The following CCDC186 variants were observed in gnomAD, a reference collection of about 807,000 sequenced individuals.
The protein encoded by CCDC186 is coiled-coil domain-containing protein 186.
CCDC186 carries 49 observed loss-of-function variants against 113.7 expected under a neutral mutation model. That is an observed-to-expected ratio of 0.43 (90% CI 0.34 to 0.55). The LOEUF (loss-of-function observed/expected upper bound fraction) is 0.55, where lower values mean the gene tolerates loss of function less well. Among genes scored for constraint, CCDC186 ranks in the 20% least tolerant of loss-of-function variants. CCDC186 has a pLI of 0.02. For missense variants in CCDC186, 890 were observed against 1,011.1 expected, an observed-to-expected ratio of 0.88 and a Z score of 1.62; for synonymous variants, 355 against 345.8, an observed-to-expected ratio of 1.03 and a Z score of -0.30.
intron 4 of CCDC186, among the ~76,000 whole-genome samples, chr10:114,147,495 C>T (rs1049048422): frequency 1.3e-5 from 2 of 152,008 alleles, no homozygotes; most frequent in African/African-American, 4.8e-5. Flanking sequence ...GTGCAAACAC[C>T]TAAAAGTATA....
Position 114,145,739 on chromosome 10 carries a change from G to T in CCDC186, c.911C>A (p.Ala304Glu). ...MEQANKKCEE[A>E]RQEKEAMVMK... Reference sequence around the variant, plus strand: ...TACCATTGCTTCTTTTTCTTGGCGTGCCTCTTCACATTTCTTGTTGGCCTT... The same window carrying T: ...TACCATTGCTTCTTTTTCTTGGCGTTCCTCTTCACATTTCTTGTTGGCCTT... The change falls in exon 5 of 16, where the codon GCA (alanine) becomes GAA (glutamate). Residue 304 changes from alanine to glutamate, a missense_variant. By Grantham distance (107) the Ala-to-Glu change is moderately radical. Coordinates refer to ENST00000369287, the MANE Select transcript of CCDC186 (RefSeq NM_018017.4). The T allele has an allele frequency of 6.3e-7, 1 of 1,588,974 alleles. No homozygotes were observed. Among genetic ancestry groups the T allele is most frequent in the Non-Finnish European group, 8.5e-7 (1 of 1,173,654 alleles).
intron 1 of CCDC186, chr10:114,173,126 A>G: frequency 2.3e-6 from 1 of 427,096 alleles, no homozygotes; most frequent in Non-Finnish European, 4.7e-6. Context: ...ACATGCAGAG[A>G]AAACGGCCAA....
In CCDC186 at chr10:114,155,169, G is replaced by T. The variant is rs183982468; in HGVS notation, c.759+2385C>A. 3.9e-3 allele frequency among the ~76,000 whole-genome samples: 599 copies of T among 152,284 alleles called. 3 individuals carry two copies. Among genetic ancestry groups the T allele is most frequent in the African/African-American group, 0.013 (557 of 41,564 alleles). On this transcript the variant is annotated intron_variant, in intron 3 of 15. Coordinates refer to ENST00000369287, the MANE Select transcript of CCDC186 (RefSeq NM_018017.4). ...TGACATGTTCTAAAATTGTGGTAAA[G>T]GTTGCACAGGTAAAAGTCACTGAAT...
chr10:114,126,817 G>A (rs2030918446), intron 14 of CCDC186, among the ~76,000 whole-genome samples: 1 of 152,090 alleles, frequency 6.6e-6, no homozygotes, highest in South Asian at 2.1e-4. Flanking sequence ...CATTGGAAAA[G>A]GCCCACAATA....
At chr10:114,166,351 G>A (rs2032336303) in intron 1 of CCDC186, among the ~76,000 whole-genome samples, 1 of 152,100 alleles carries the variant, frequency 6.6e-6, no homozygotes, top group African/African-American at 2.4e-5. Flanking sequence ...TCTTCCCTTA[G>A]GTCTATCTGA....
intron 1 of CCDC186, chr10:114,165,835 G>A (rs1466204923): frequency 4.4e-5 from 21 of 473,338 alleles, no homozygotes; most frequent in Middle Eastern, 2.0e-3. Flanking sequence ...GCAACAGAGC[G>A]AGACACTTTG....
Position 114,125,889 on chromosome 10 carries a change from C to A in CCDC186, c.2610G>T (p.Leu870Phe). The A allele has an allele frequency of 6.2e-7, 1 of 1,613,166 alleles. No individual in the cohort carries two copies. Among genetic ancestry groups the A allele is most frequent in the Non-Finnish European group, 8.5e-7 (1 of 1,179,282 alleles). ...LEDTLLKNIT[L>F]KENLQTLGTE... ...TGTGAATGAGAAACACAAATACCTT[C>A]AAAGTAATATTTTTTAGTAACGTAT... The change falls in exon 15 of 16, where the codon TTG becomes TTT. Residue 870 changes from leucine to phenylalanine, a missense_variant. Coordinates refer to ENST00000369287, the MANE Select transcript of CCDC186 (RefSeq NM_018017.4).
At chr10:114,153,957 C>T (rs574118261) in intron 3 of CCDC186, among the ~76,000 whole-genome samples, 74 of 151,814 alleles carry the variant, frequency 4.9e-4, no homozygotes, top group African/African-American at 1.8e-3. Flanking sequence ...TGCCTGTAAT[C>T]TCAGCACTTT....
chr10:114,162,875 T>C lies in CCDC186; in HGVS notation c.394A>G (p.Asn132Asp), dbSNP rs777709243. Residue 132 changes from asparagine to aspartate, a missense_variant, in exon 2 of 16, where the codon AAT becomes GAT. By Grantham distance (23) the Asn-to-Asp change is conservative. Coordinates refer to ENST00000369287, the MANE Select transcript of CCDC186 (RefSeq NM_018017.4). ...LRSSTFPESA[N>D]EKTYSESPYD... ...GGGCTTTCTGAATAAGTCTTTTCAT[T>C]AGCTGATTCTGGAAATGTAGATGAC... The C allele has an allele frequency of 6.2e-7, 1 of 1,613,950 alleles. No individual in the cohort carries two copies. Among genetic ancestry groups the C allele is most frequent in the East Asian group, 2.2e-5 (1 of 44,860 alleles).
At chr10:114,143,554 C>T (rs1042530004) in intron 6 of CCDC186, among the ~76,000 whole-genome samples, 2 of 152,212 alleles carry the variant, frequency 1.3e-5, no homozygotes, top group Admixed American at 1.3e-4. Context: ...TTCCCTCACA[C>T]ATGTGCTGAT....
At chr10:114,157,945 C>T (rs1292679354) in intron 2 of CCDC186, among the ~76,000 whole-genome samples, 1 of 152,204 alleles carries the variant, frequency 6.6e-6, no homozygotes, top group Admixed American at 6.5e-5. Flanking sequence ...GCACACCCTT[C>T]CAGATTTATA....
chr10:114,130,849 C>T (rs1245871421), intron 12 of CCDC186, among the ~76,000 whole-genome samples: 2 of 151,808 alleles, frequency 1.3e-5, no homozygotes, highest in African/African-American at 4.8e-5. Context: ...ATAACAAATG[C>T]CTAAGCACTT....
intron 1 of CCDC186, among the ~76,000 whole-genome samples, chr10:114,164,954 T>C (rs769760887): frequency 6.6e-6 from 1 of 152,184 alleles, no homozygotes. Flanking sequence ...TTCTAGCACA[T>C]AGTGGGTTCT....
intron 13 of CCDC186, 21 bp downstream of exon 13, chr10:114,129,870 C>T: frequency 6.2e-7 from 1 of 1,608,114 alleles, no homozygotes; most frequent in East Asian, 2.2e-5. Context: ...GAAATAACAA[C>T]TAGAGCCACT....
intron 1 of CCDC186, among the ~76,000 whole-genome samples, chr10:114,164,092 GTGTGTGTGTGTA>G (rs1328034568): frequency 7.9e-6 from 1 of 126,326 alleles, no homozygotes; most frequent in African/African-American, 3.1e-5. Context: ...GTGTGTGTGT[GTGTGTGTGTGTA>G]TATATATATA....
At chr10:114,133,344 G>A (rs1047648663) in intron 10 of CCDC186, among the ~76,000 whole-genome samples, 2 of 152,172 alleles carry the variant, frequency 1.3e-5, no homozygotes, top group East Asian at 1.9e-4. Context: ...CATGGATGCT[G>A]CACTCATCAT....
At position 114,135,011 on chromosome 10, in the gene CCDC186, T is replaced by C. The variant is rs1291261615; in HGVS notation, c.1557A>G (p.Leu519=). ...GATTAATAATTTCCTTATATTTTGA[T>C]AATTCATCTTCTGTTCTTAATCGTT... is the stretch of plus-strand genomic sequence containing the variant. ...EDERLRTEDE[L]SKYKEIINRQ... The change falls in exon 10 of 16, where the codon TTA becomes TTG. Residue 519 remains leucine, a synonymous_variant. Transcript: ENST00000369287. 8 of 1,611,554 alleles carry C rather than the reference T, an allele frequency of 5.0e-6. No homozygotes were observed. The Admixed American group carries it at 1.0e-4, about 20-fold the overall frequency.
At position 114,157,658 on chromosome 10, in the gene CCDC186, GCTT is replaced by G. The variant is rs765573298; in HGVS notation, c.652_654del (p.Lys218del). On this transcript the variant is annotated inframe_deletion, in exon 3 of 16. Transcript: ENST00000369287. ...CAAATGTCTACGAAGAGCTCCTGAT[GCTT>G]CTTATTTTCTTTAATTAACCTAAAT... is the stretch of plus-strand genomic sequence containing the variant. The G allele has an allele frequency of 5.6e-5, 90 of 1,593,442 alleles. No individual in the cohort carries two copies. Among genetic ancestry groups the G allele is most frequent in the African/African-American group, 1.2e-4 (9 of 73,554 alleles).
intron 11 of CCDC186, 21 bp downstream of exon 11, chr10:114,131,908 A>G (rs1283576287): frequency 6.4e-7 from 1 of 1,572,210 alleles, no homozygotes; most frequent in Non-Finnish European, 8.6e-7. Context: ...TGTTTTAAAA[A>G]AAATGTAAAT....
Sources: gnomAD v4.1 joint callset for allele counts (sites outside exome capture counted in the v4.1 genomes callset) on GRCh38, gnomAD v4.1.1 for gene constraint, MANE v1.5 for transcripts, NCBI Gene and HGNC (gene_info 2026-07-23, HGNC 2026-07-21) for gene names.